PANX1: variants seen among roughly 807,000 people sequenced by gnomAD.
PANX1 encodes pannexin-1.
PANX1 carries 30 observed loss-of-function variants against 38.7 expected under a neutral mutation model. The observed-to-expected ratio is 0.78, with a 90% CI of 0.58 to 1.05. PANX1 has a LOEUF of 1.05. Among genes scored for constraint, PANX1 ranks in the 50% least tolerant of loss-of-function variants. PANX1 has a pLI of 0.00. For missense variants in PANX1, 551 were observed against 517.2 expected, an observed-to-expected ratio of 1.07 and a Z score of -0.63; for synonymous variants, 230 against 212.2, an observed-to-expected ratio of 1.08 and a Z score of -0.73.
chr11:94,166,162 G>A (rs1183805227), intron 2 of PANX1, among the ~76,000 whole-genome samples: 1 of 152,030 alleles, frequency 6.6e-6, no homozygotes, highest in Non-Finnish European at 1.5e-5. Flanking sequence ...TTACCTTAGG[G>A]TCTTCATTTT....
At chr11:94,142,291 C>G (rs1946771804) in intron 1 of PANX1, among the ~76,000 whole-genome samples, 1 of 152,162 alleles carries the variant, frequency 6.6e-6, no homozygotes, top group African/African-American at 2.4e-5. Flanking sequence ...GCAGCCTCAG[C>G]TGGTCATTAG....
intron 1 of PANX1, among the ~76,000 whole-genome samples, chr11:94,153,213 C>G (rs1265185664): frequency 2.0e-5 from 3 of 152,170 alleles, no homozygotes; most frequent in East Asian, 1.9e-4. Context: ...GGCTCTGGTT[C>G]TTTTCCTGCT....
At chr11:94,138,126 G>A (rs1349254931) in intron 1 of PANX1, among the ~76,000 whole-genome samples, 2 of 152,006 alleles carry the variant, frequency 1.3e-5, no homozygotes, top group African/African-American at 4.8e-5. Flanking sequence ...AGATTTGACT[G>A]GTGTGGTTGG....
At chr11:94,152,657 C>T (rs1308976724) in intron 1 of PANX1, among the ~76,000 whole-genome samples, 2 of 152,216 alleles carry the variant, frequency 1.3e-5, no homozygotes, top group East Asian at 1.9e-4. Context: ...CTGAGCCTTA[C>T]GATCCTATTG....
intron 2 of PANX1, among the ~76,000 whole-genome samples, chr11:94,154,962 C>T (rs1418199988): frequency 6.6e-6 from 1 of 152,096 alleles, no homozygotes; most frequent in Admixed American, 6.5e-5. Flanking sequence ...AAAGTAATTG[C>T]AAGGTGGGTG....
chr11:94,135,035 CAG>C (rs969445860), intron 1 of PANX1, among the ~76,000 whole-genome samples: 1 of 152,206 alleles, frequency 6.6e-6, no homozygotes, highest in Admixed American at 6.5e-5. Flanking sequence ...CCTGAGGCGT[CAG>C]GGGCTGCTTT....
At chr11:94,178,250 G>A in intron 2 of PANX1, 119 bp from the exon 3 acceptor site, 1 of 747,162 alleles carries the variant, frequency 1.3e-6, no homozygotes. Context: ...TAGGTAATGA[G>A]CCCAATTTCC....
In PANX1 at chr11:94,129,387, C is replaced by T. The variant is rs1255117753; in HGVS notation, c.75C>T (p.Phe25=). 1.9e-6 allele frequency: 3 copies of T among 1,613,904 alleles called. No individual in the cohort carries two copies. Among genetic ancestry groups the T allele is most frequent in the South Asian group, 1.1e-5 (1 of 91,058 alleles). Residue 25 remains phenylalanine (F), a synonymous_variant, in exon 1 of 5, where the codon TTC becomes TTT. Transcript: ENST00000227638. ...FLLKEPTEPK[F]KGLRLELAVD... ...TGAAGGAGCCCACGGAGCCCAAGTT[C>T]AAGGGGCTGCGACTGGAGCTGGCTG...
intron 2 of PANX1, among the ~76,000 whole-genome samples, chr11:94,160,798 T>C (rs1043547435): frequency 1.1e-4 from 16 of 152,220 alleles, no homozygotes; most frequent in African/African-American, 3.9e-4. Context: ...TGCCGTTAGT[T>C]GATGCAATTT....
chr11:94,149,901 G>T (rs549685490), intron 1 of PANX1, among the ~76,000 whole-genome samples: 1 of 152,218 alleles, frequency 6.6e-6, no homozygotes, highest in African/African-American at 2.4e-5. Context: ...ACACAATCGT[G>T]CATGAAGTTC....
intron 2 of PANX1, among the ~76,000 whole-genome samples, chr11:94,174,107 C>T (rs2134520584): frequency 6.6e-6 from 1 of 151,670 alleles, no homozygotes; most frequent in Non-Finnish European, 1.5e-5. Flanking sequence ...TTCATTTGGC[C>T]TTCTGATAAG....
Position 94,159,361 on chromosome 11 carries a change from G to A in PANX1, c.321+5731G>A, listed in dbSNP as rs59768849. ...CCTCCTTGTACCTCTGGTAGAATTCGGCTGTGAATCCATCTGGTCCTGGAC... is the reference window on the plus strand; with the variant it reads ...CCTCCTTGTACCTCTGGTAGAATTCAGCTGTGAATCCATCTGGTCCTGGAC... On this transcript the variant is annotated intron_variant, in intron 2 of 4. Transcript: ENST00000227638. Among the ~76,000 whole-genome samples, 2,089 of 152,198 alleles carry A rather than the reference G, an allele frequency of 0.014. 85 individuals are homozygous for A. The East Asian group carries it at 0.14, about 10-fold the overall frequency.
chr11:94,168,439 T>G (rs907121102), intron 2 of PANX1, among the ~76,000 whole-genome samples: 2 of 150,268 alleles, frequency 1.3e-5, no homozygotes, highest in Non-Finnish European at 3.0e-5. Flanking sequence ...CAGGAGAGAA[T>G]AGAGGCAGGG....
chr11:94,147,738 A>C (rs11020657), intron 1 of PANX1, among the ~76,000 whole-genome samples: 80,838 of 151,986 alleles, frequency 0.53, 22,363 homozygotes, highest in African/African-American at 0.68. Flanking sequence ...TGGTCACATC[A>C]TGGACCACGC....
intron 2 of PANX1, 132 bp from the exon 3 acceptor site, chr11:94,178,234 AGTT>A (rs1206747237): frequency 1.5e-6 from 1 of 658,054 alleles, no homozygotes; most frequent in Non-Finnish European, 2.7e-6. Flanking sequence ...CATAAGAAGT[AGTT>A]ATTAGGTAAT....
intron 1 of PANX1, among the ~76,000 whole-genome samples, chr11:94,150,537 C>G (rs1011039193): frequency 6.6e-6 from 1 of 152,170 alleles, no homozygotes; most frequent in Non-Finnish European, 1.5e-5. Flanking sequence ...CCCAAGCTTC[C>G]TGGCCCCCGG....
intron 1 of PANX1, among the ~76,000 whole-genome samples, chr11:94,142,221 G>T (rs1223705274): frequency 6.6e-6 from 1 of 152,166 alleles, no homozygotes; most frequent in Non-Finnish European, 1.5e-5. Flanking sequence ...TTGGATTCCT[G>T]CTGGGGAGGG....
In PANX1 at chr11:94,164,541, A is replaced by G. The variant is rs934000919; in HGVS notation, c.321+10911A>G. On this transcript the variant is annotated intron_variant, in intron 2 of 4. Coordinates refer to ENST00000227638, the MANE Select transcript of PANX1 (RefSeq NM_015368.4). Reference sequence around the variant, plus strand: ...GTCATTGATTTCTGACCTTGTGGTCAGAAAAGATACTTTTATGATTTCAAT... The same window carrying G: ...GTCATTGATTTCTGACCTTGTGGTCGGAAAAGATACTTTTATGATTTCAAT... Among the ~76,000 whole-genome samples the G allele has an allele frequency of 6.6e-5, 10 of 152,344 alleles. No homozygotes were observed. In the South Asian group the frequency reaches 1.4e-3, roughly 22 times the overall value.
At chr11:94,154,681 G>T (rs564677109) in intron 2 of PANX1, among the ~76,000 whole-genome samples, 6 of 152,214 alleles carry the variant, frequency 3.9e-5, no homozygotes, top group South Asian at 2.1e-4. Context: ...TGAACAATGT[G>T]GGGGTCGGGG....
Sources: gnomAD v4.1 joint callset for allele counts (sites outside exome capture counted in the v4.1 genomes callset) on GRCh38, gnomAD v4.1.1 for gene constraint, MANE v1.5 for transcripts, NCBI Gene and HGNC (gene_info 2026-07-23, HGNC 2026-07-21) for gene names.